Variants in DPP10 observed in about 807,000 individuals in gnomAD.
DPP10 encodes the protein inactive dipeptidyl peptidase 10.
A neutral mutation model predicts 120.9 loss-of-function variants in DPP10; 33 were observed. That is an observed-to-expected ratio of 0.27 (90% CI 0.21 to 0.37). DPP10 has a LOEUF of 0.37. Among genes scored for constraint, DPP10 ranks in the 10% least tolerant of loss-of-function variants. The probability of loss-of-function intolerance (pLI) is 1.00; values close to 1 mark genes in which losing one functional copy is unlikely to be tolerated. For missense variants in DPP10, 816 were observed against 942.8 expected (o/e 0.87, Z 1.76); for synonymous variants, 337 against 326.1 (o/e 1.03, Z -0.36).
chr2:114,929,181 C>A lies in DPP10; in HGVS notation c.61-380058C>A, dbSNP rs10173631. 4.0e-3 allele frequency among the ~76,000 whole-genome samples: 615 copies of A among 152,196 alleles called. 1 individual carries two copies. Among genetic ancestry groups the A allele is most frequent in the African/African-American group, 0.014 (602 of 41,522 alleles). ...AAGTCACAAAGATCCCATGCTTGAA[C>A]GGACAATACAAGATCACAAGGGCAG... On this transcript the variant is annotated intron_variant, in intron 1 of 25. Coordinates refer to ENST00000410059, the MANE Select transcript of DPP10 (RefSeq NM_020868.6).
At chr2:115,595,660 C>A (rs1469807523) in intron 5 of DPP10, among the ~76,000 whole-genome samples, 1 of 151,972 alleles carries the variant, frequency 6.6e-6, no homozygotes, top group Non-Finnish European at 1.5e-5. Context: ...CTGCCATAAA[C>A]CTTCTATAAC....
In DPP10 at chr2:115,842,384, C is replaced by T. The variant is rs760607170; in HGVS notation, c.*39C>T. 1 of 1,585,514 alleles carries T rather than the reference C, an allele frequency of 6.3e-7. No individual in the cohort carries two copies. The highest frequency in any genetic ancestry group is 2.3e-5 in the East Asian group (1 of 44,396). ...TACAGAACTGAAGGGAATATTGAGG[C>T]TCAATGAAACCTGACAAAGAGACTG... is the stretch of plus-strand genomic sequence containing the variant. On this transcript the variant is annotated 3_prime_UTR_variant, in exon 26 of 26. Transcript: ENST00000410059.
At chr2:115,460,957 T>C (rs2105069892) in intron 3 of DPP10, among the ~76,000 whole-genome samples, 1 of 152,308 alleles carries the variant, frequency 6.6e-6, no homozygotes, top group South Asian at 2.1e-4. Context: ...CAATTTCTCG[T>C]TATATTTCAG....
intron 1 of DPP10, among the ~76,000 whole-genome samples, chr2:114,661,659 GTTCTA>G (rs1353518028): frequency 2.6e-5 from 4 of 152,082 alleles, no homozygotes; most frequent in Non-Finnish European, 5.9e-5. Context: ...CTGTTTGTAT[GTTCTA>G]TTCTGCTGCC....
At chr2:115,253,815 T>C (rs61667571) in intron 1 of DPP10, among the ~76,000 whole-genome samples, 1 of 152,210 alleles carries the variant, frequency 6.6e-6, no homozygotes, top group African/African-American at 2.4e-5. Context: ...CTGGTGGATC[T>C]ACCATTCTGA....
chr2:114,634,597 T>C (rs1695177689), intron 1 of DPP10, among the ~76,000 whole-genome samples: 1 of 151,936 alleles, frequency 6.6e-6, no homozygotes, highest in African/African-American at 2.4e-5. Flanking sequence ...TCACTTGCTA[T>C]CTGGGTGACT....
intron 4 of DPP10, among the ~76,000 whole-genome samples, chr2:115,510,199 A>G (rs574156841): frequency 2.0e-5 from 3 of 152,178 alleles, no homozygotes; most frequent in African/African-American, 7.2e-5. Flanking sequence ...AAATGTTGAT[A>G]AAGTCAAATC....
intron 1 of DPP10, among the ~76,000 whole-genome samples, chr2:114,997,368 T>A (rs749549052): frequency 8.0e-5 from 12 of 150,016 alleles, no homozygotes; most frequent in Non-Finnish European, 1.5e-4. Context: ...GGCATGCACC[T>A]GTAGTCCCAG....
At chr2:114,607,448 G>A (rs1169030509) in intron 1 of DPP10, among the ~76,000 whole-genome samples, 1 of 152,190 alleles carries the variant, frequency 6.6e-6, no homozygotes, top group Non-Finnish European at 1.5e-5. Context: ...TCATGAAAAT[G>A]TTCATTCATG....
intron 19 of DPP10, among the ~76,000 whole-genome samples, chr2:115,802,751 T>G (rs909617099): frequency 2.6e-5 from 4 of 152,086 alleles, no homozygotes; most frequent in African/African-American, 9.7e-5. Flanking sequence ...TTGAGTGAGT[T>G]TCTTAATCCT....
chr2:115,010,059 G>T (rs200491002), intron 1 of DPP10, among the ~76,000 whole-genome samples: 1 of 151,978 alleles, frequency 6.6e-6, no homozygotes, highest in Non-Finnish European at 1.5e-5. Context: ...TGTAATTTAC[G>T]ATTTTTACAA....
At chr2:115,374,815 A>G (rs535798072) in intron 3 of DPP10, among the ~76,000 whole-genome samples, 3 of 152,252 alleles carry the variant, frequency 2.0e-5, no homozygotes, top group South Asian at 2.1e-4. Context: ...TCTTTTAGCT[A>G]TGGATAAAAC....
At chr2:115,131,515 A>C (rs1344157456) in intron 1 of DPP10, among the ~76,000 whole-genome samples, 1 of 152,152 alleles carries the variant, frequency 6.6e-6, no homozygotes, top group Non-Finnish European at 1.5e-5. Flanking sequence ...CCTGTCTCAA[A>C]AAGTAACAAG....
chr2:115,710,640 C>T (rs759727492), intron 7 of DPP10, among the ~76,000 whole-genome samples: 1 of 151,988 alleles, frequency 6.6e-6, no homozygotes, highest in Non-Finnish European at 1.5e-5. Flanking sequence ...AAAGTTGAAA[C>T]AAGTCACTAT....
At chr2:115,784,071 T>G (rs1683071762) in intron 17 of DPP10, among the ~76,000 whole-genome samples, 1 of 152,222 alleles carries the variant, frequency 6.6e-6, no homozygotes, top group Admixed American at 6.5e-5. Context: ...CTGCTGCAAA[T>G]TACAAAACAT....
chr2:115,333,807 G>T (rs934162081), intron 2 of DPP10, among the ~76,000 whole-genome samples: 2 of 152,000 alleles, frequency 1.3e-5, no homozygotes, highest in Non-Finnish European at 2.9e-5. Flanking sequence ...TTAGTCTGAT[G>T]GGCTTCCCTT....
chr2:114,723,899 A>G (rs1285759432), intron 1 of DPP10, among the ~76,000 whole-genome samples: 2 of 152,220 alleles, frequency 1.3e-5, no homozygotes, highest in African/African-American at 4.8e-5. Flanking sequence ...TGAATGTTGG[A>G]AGTCACAGAC....
intron 1 of DPP10, among the ~76,000 whole-genome samples, chr2:115,124,269 C>G (rs529957116): frequency 4.6e-5 from 7 of 152,252 alleles, no homozygotes; most frequent in Non-Finnish European, 7.3e-5. Flanking sequence ...AGCTTAAGAC[C>G]ATTCAATGAC....
At chr2:115,587,896 A>G (rs1172774627) in intron 5 of DPP10, among the ~76,000 whole-genome samples, 1 of 152,222 alleles carries the variant, frequency 6.6e-6, no homozygotes. Context: ...AATTTACAGT[A>G]TCTGAGATAT....
Sources: gnomAD v4.1 joint callset for allele counts (sites outside exome capture counted in the v4.1 genomes callset) on GRCh38, gnomAD v4.1.1 for gene constraint, MANE v1.5 for transcripts, NCBI Gene and HGNC (gene_info 2026-07-23, HGNC 2026-07-21) for gene names.